Variants in STRN observed in about 807,000 individuals in gnomAD.
STRN encodes striatin, also known as protein phosphatase 2 regulatory subunit B'''alpha.
STRN carries 53 observed loss-of-function variants against 96.3 expected under a neutral mutation model. The ratio of observed to expected loss-of-function variants is 0.55; its 90% CI spans 0.44 to 0.69. The LOEUF (loss-of-function observed/expected upper bound fraction) is 0.69. Ranked by LOEUF, STRN falls within the 30% of genes least tolerant of loss-of-function variation. The pLI, the probability that STRN is intolerant of heterozygous loss-of-function variation, is 0.00. For missense variants in STRN, 987 were observed against 963.9 expected (o/e 1.02, Z -0.32); for synonymous variants, 428 against 355.9 (o/e 1.20, Z -2.28).
intron 5 of STRN, among the ~76,000 whole-genome samples, chr2:36,902,164 C>T (rs1669700235): frequency 6.6e-6 from 1 of 152,078 alleles, no homozygotes; most frequent in Non-Finnish European, 1.5e-5. Context: ...TATTTTATAT[C>T]AAAGATAAAT....
intron 1 of STRN, among the ~76,000 whole-genome samples, chr2:36,935,601 G>C (rs1174042662): frequency 5.9e-5 from 9 of 152,148 alleles, no homozygotes; most frequent in Admixed American, 2.0e-4. Flanking sequence ...AAATAATTAA[G>C]TGCCTACTAA....
intron 1 of STRN, among the ~76,000 whole-genome samples, chr2:36,958,941 C>T (rs967945658): frequency 6.6e-6 from 1 of 152,066 alleles, no homozygotes; most frequent in African/African-American, 2.4e-5. Context: ...ACAGTGAAAC[C>T]CCATCTCTAC....
chr2:36,881,612 G>T lies in STRN; in HGVS notation c.1186+2320C>A, dbSNP rs1669072529. ...CCAAAAAACCTGCACTGAGGGGGAA[G>T]GCTTAGGACCACTGCTGCAGATAGT... On this transcript the variant is annotated intron_variant, in intron 9 of 17. Coordinates refer to ENST00000263918, the MANE Select transcript of STRN (RefSeq NM_003162.4). 2.6e-5 allele frequency among the ~76,000 whole-genome samples: 4 copies of T among 152,144 alleles called. 1 individual carries two copies. The highest frequency in any genetic ancestry group is 2.6e-4 in the Admixed American group (4 of 15,270).
chr2:36,914,669 T>C (rs959452145), intron 3 of STRN, among the ~76,000 whole-genome samples: 9 of 152,198 alleles, frequency 5.9e-5, no homozygotes, highest in Admixed American at 6.5e-5. Context: ...GAAGTCATTT[T>C]GGAAAGTTCT....
intron 1 of STRN, among the ~76,000 whole-genome samples, chr2:36,941,104 G>A (rs1300274755): frequency 6.6e-6 from 1 of 152,160 alleles, no homozygotes; most frequent in Non-Finnish European, 1.5e-5. Flanking sequence ...GCAGTAACCA[G>A]TTGATCCTGC....
At chr2:36,902,507 C>T (rs371725231) in intron 5 of STRN, 77 bp downstream of exon 5, 6 of 1,172,118 alleles carry the variant, frequency 5.1e-6, no homozygotes, top group Non-Finnish European at 7.0e-6. Flanking sequence ...CCTAAAAGTA[C>T]AAGTAATGTC....
intron 5 of STRN, 135 bp from the exon 6 acceptor site, chr2:36,899,793 T>TAAGA: frequency 9.9e-6 from 8 of 806,978 alleles, no homozygotes; most frequent in South Asian, 2.3e-5. Flanking sequence ...CATTGATTCT[T>TAAGA]ATCAATTACA....
rs550796567 is a variant in STRN, at chr2:36,839,854, T to G, written c.*9602A>C. Reference sequence around the variant, plus strand: ...TCATTTGAATATTAAATATAAATAGTTGGTCTCTAACTTGTTGACTGTTTT... The same window carrying G: ...TCATTTGAATATTAAATATAAATAGGTGGTCTCTAACTTGTTGACTGTTTT... On this transcript the variant is annotated 3_prime_UTR_variant, in exon 18 of 18. Transcript: ENST00000263918. 32 of 152,352 alleles carry G rather than the reference T, an allele frequency of 2.1e-4. No individual in the cohort carries two copies. Among genetic ancestry groups the G allele is most frequent in the African/African-American group, 7.7e-4 (32 of 41,584 alleles). 9.4% of individuals were successfully genotyped at this position (152,352 alleles called of 1,614,324 possible). A position where few individuals can be genotyped will look rare whatever the true frequency, so the allele number is the denominator to read the frequency against.
At chr2:36,876,417 G>C (rs990798056) in intron 10 of STRN, among the ~76,000 whole-genome samples, 1 of 152,066 alleles carries the variant, frequency 6.6e-6, no homozygotes, top group East Asian at 1.9e-4. Context: ...AGTAGTATAC[G>C]GATTTCAACT....
intron 7 of STRN, among the ~76,000 whole-genome samples, chr2:36,890,956 G>C (rs911586594): frequency 7.2e-5 from 11 of 152,132 alleles, no homozygotes; most frequent in African/African-American, 2.4e-4. Context: ...CACTACAGGT[G>C]ACTATCCCTT....
chr2:36,856,264 T>A (rs1229798005), intron 14 of STRN, among the ~76,000 whole-genome samples: 1 of 152,220 alleles, frequency 6.6e-6, no homozygotes, highest in Admixed American at 6.5e-5. Context: ...AAATTTTTAG[T>A]GACTTCACAT....
At chr2:36,939,232 GT>G (rs1446490703) in intron 1 of STRN, among the ~76,000 whole-genome samples, 1 of 151,950 alleles carries the variant, frequency 6.6e-6, no homozygotes, top group Non-Finnish European at 1.5e-5. Context: ...CGCCCAGCCT[GT>G]TTTTTGTTTT....
intron 1 of STRN, among the ~76,000 whole-genome samples, chr2:36,943,886 G>T (rs191115169): frequency 7.9e-4 from 121 of 152,264 alleles, no homozygotes; most frequent in Non-Finnish European, 1.1e-3. Flanking sequence ...AGAGGCAGAG[G>T]TGGGTGGATC....
intron 10 of STRN, among the ~76,000 whole-genome samples, chr2:36,870,798 A>G (rs1020881967): frequency 1.3e-5 from 2 of 152,146 alleles, no homozygotes; most frequent in African/African-American, 4.8e-5. Context: ...ACAGCTTTAG[A>G]CAGGTTAGAA....
chr2:36,910,364 A>G (rs1477529055), intron 3 of STRN, among the ~76,000 whole-genome samples: 3 of 152,206 alleles, frequency 2.0e-5, no homozygotes, highest in Non-Finnish European at 2.9e-5. Context: ...AAATATCTTT[A>G]AAAGACAAAA....
chr2:36,856,296 TG>T lies in STRN; in HGVS notation c.1838-945del, dbSNP rs1244212859. Among the ~76,000 whole-genome samples, 14 of 152,274 alleles carry T rather than the reference TG, an allele frequency of 9.2e-5. No individual in the cohort carries two copies. The East Asian group carries it at 2.7e-3, about 29-fold the overall frequency. On this transcript the variant is annotated intron_variant, in intron 14 of 17. Coordinates refer to ENST00000263918, the MANE Select transcript of STRN (RefSeq NM_003162.4). ...ACATAAAGTAAAATAAACATCCACC[TG>T]AAAGCCCAGCAATTCTAAGTCTCTA...
intron 10 of STRN, among the ~76,000 whole-genome samples, chr2:36,873,161 A>T (rs1668809627): frequency 6.6e-6 from 1 of 152,234 alleles, no homozygotes; most frequent in South Asian, 2.1e-4. Context: ...GGACTGTAAA[A>T]ATTTAAAATG....
intron 2 of STRN, among the ~76,000 whole-genome samples, chr2:36,917,252 G>T (rs1670128817): frequency 1.3e-5 from 2 of 151,508 alleles, no homozygotes; most frequent in African/African-American, 4.8e-5. Flanking sequence ...CTGGGCACGG[G>T]GGCTCATGCC....
chr2:36,862,519 TC>T (rs1328341063), intron 12 of STRN, among the ~76,000 whole-genome samples: 1 of 152,204 alleles, frequency 6.6e-6, no homozygotes, highest in Non-Finnish European at 1.5e-5. Flanking sequence ...GAGCATTTTT[TC>T]CTGTCTGTTG....
Sources: allele counts gnomAD v4.1 joint callset (sites outside exome capture counted in the v4.1 genomes callset), GRCh38; gene constraint gnomAD v4.1.1; transcripts MANE v1.5; gene names NCBI Gene and HGNC (gene_info 2026-07-23, HGNC 2026-07-21).